Variants in PRIM2 observed in about 807,000 individuals in gnomAD.
PRIM2 encodes DNA primase large subunit.
PRIM2 carries 39 observed loss-of-function variants against 67.3 expected under a neutral mutation model. The observed-to-expected ratio is 0.58, with a 90% CI of 0.45 to 0.76. PRIM2 has a LOEUF of 0.76. PRIM2 is among the 30% of genes least tolerant of loss of function. The pLI, the probability that PRIM2 is intolerant of heterozygous loss-of-function variation, is 0.00. For synonymous variants in PRIM2, 143 were observed against 198.7 expected (o/e 0.72, Z 2.36); for missense variants, 398 against 598.7 (o/e 0.66, Z 3.50).
chr6:57,640,790 A>G (rs1191371853), intron 13 of PRIM2, among the ~76,000 whole-genome samples: 1 of 152,200 alleles, frequency 6.6e-6, no homozygotes, highest in Non-Finnish European at 1.5e-5. Flanking sequence ...TATCGTGAAA[A>G]TGGCCGTAAT....
intron 5 of PRIM2, among the ~76,000 whole-genome samples, chr6:57,353,352 G>A (rs1223177097): frequency 1.3e-5 from 2 of 152,122 alleles, no homozygotes; most frequent in Non-Finnish European, 2.9e-5. Flanking sequence ...GTTGTTCAGG[G>A]ATGTAATAGG....
the PRIM2 span, among the ~76,000 whole-genome samples, chr6:57,245,986 AGACT>A: frequency 6.6e-6 from 1 of 152,258 alleles, no homozygotes; most frequent in Non-Finnish European, 1.5e-5. Context: ...TTGTGCCAAC[AGACT>A]ATTATTTTTG....
At chr6:57,510,966 T>G (rs1273498379) in intron 8 of PRIM2, among the ~76,000 whole-genome samples, 1 of 152,084 alleles carries the variant, frequency 6.6e-6, no homozygotes, top group Non-Finnish European at 1.5e-5. Flanking sequence ...ATTAGGAGGT[T>G]GATACCGAGA....
chr6:57,256,790 G>A, the PRIM2 span, among the ~76,000 whole-genome samples: 19 of 151,618 alleles, frequency 1.3e-4, no homozygotes, highest in Admixed American at 6.6e-5. Flanking sequence ...CTGCTTATCA[G>A]ATGCTCTGCC....
intron 5 of PRIM2, among the ~76,000 whole-genome samples, chr6:57,354,431 ATTTC>A (rs1437471310): frequency 2.6e-5 from 4 of 152,264 alleles, no homozygotes; most frequent in Admixed American, 1.3e-4. Context: ...CTTAATTTGT[ATTTC>A]TTTATGTTTA....
chr6:57,353,988 A>C (rs1212649517), intron 5 of PRIM2, among the ~76,000 whole-genome samples: 4 of 152,170 alleles, frequency 2.6e-5, no homozygotes, highest in Non-Finnish European at 5.9e-5. Flanking sequence ...TATAGAGAAA[A>C]GTAATTAGTT....
the PRIM2 span, among the ~76,000 whole-genome samples, chr6:57,274,390 A>G: frequency 6.6e-6 from 1 of 152,220 alleles, no homozygotes; most frequent in Non-Finnish European, 1.5e-5. Context: ...CTGTGCTAGC[A>G]ATGAGCAAGA....
In PRIM2 at chr6:57,619,074, C is replaced by T. The variant is rs1424323245; in HGVS notation, c.1230+12617C>T. Among the ~76,000 whole-genome samples the T allele has an allele frequency of 2.6e-5, 4 of 152,280 alleles. No homozygotes were observed. The East Asian group carries it at 7.7e-4, about 29-fold the overall frequency. On this transcript the variant is annotated intron_variant, in intron 12 of 13. Coordinates refer to ENST00000615550, the MANE Select transcript of PRIM2 (RefSeq NM_000947.5). ...GGCGCTGGTATCCGTGGTTGAGAGACCCATAGACGGTTCACATCACAGGAC... is the reference window on the plus strand; with the variant it reads ...GGCGCTGGTATCCGTGGTTGAGAGATCCATAGACGGTTCACATCACAGGAC...
chr6:57,517,138 T>G (rs1774503862), intron 8 of PRIM2, among the ~76,000 whole-genome samples: 1 of 152,240 alleles, frequency 6.6e-6, no homozygotes, highest in South Asian at 2.1e-4. Flanking sequence ...TTATGATTTC[T>G]TATGCTTTTT....
intron 7 of PRIM2, among the ~76,000 whole-genome samples, chr6:57,477,602 C>T (rs1351181491): frequency 1.3e-5 from 2 of 152,076 alleles, no homozygotes; most frequent in Non-Finnish European, 2.9e-5. Flanking sequence ...TTTTCATATT[C>T]ACATATGTCT....
rs1290569394 is a variant in PRIM2 at position 57,589,287 on chromosome 6, C to A, written c.1021-11806C>A. ...TGATAGGATGCAATTCAGGCCTAGA[C>A]CAAGGTTTAAATGTTCTCTCTTCTA... is the stretch of plus-strand genomic sequence containing the variant. On this transcript the variant is annotated intron_variant, in intron 10 of 13. Coordinates refer to ENST00000615550, the MANE Select transcript of PRIM2 (RefSeq NM_000947.5). 1.1e-3 allele frequency among the ~76,000 whole-genome samples: 170 copies of A among 152,140 alleles called. 1 individual carries two copies. Among genetic ancestry groups the A allele is most frequent in the African/African-American group, 4.1e-3 (169 of 41,512 alleles).
At chr6:57,545,325 C>G (rs1386433340) in intron 10 of PRIM2, among the ~76,000 whole-genome samples, 2 of 151,954 alleles carry the variant, frequency 1.3e-5, no homozygotes, top group Non-Finnish European at 2.9e-5. Context: ...TGGCATAGTT[C>G]AGCCGATTTT....
chr6:57,424,215 C>T (rs1771551737), intron 7 of PRIM2, among the ~76,000 whole-genome samples: 1 of 152,032 alleles, frequency 6.6e-6, no homozygotes, highest in Non-Finnish European at 1.5e-5. Context: ...TGGAGCTTAA[C>T]TGAGAGATCA....
chr6:57,419,125 G>A (rs1217783099), intron 7 of PRIM2, among the ~76,000 whole-genome samples: 1 of 152,074 alleles, frequency 6.6e-6, no homozygotes, highest in Non-Finnish European at 1.5e-5. Context: ...TTGTTAGGAT[G>A]CTCTTGCAAT....
At chr6:57,311,720 G>A (rs941876725), upstream of PRIM2, among the ~76,000 whole-genome samples, 2 of 152,020 alleles carry the variant, frequency 1.3e-5, no homozygotes. Flanking sequence ...TCAAGCCACT[G>A]CACTCCAGCC....
intron 5 of PRIM2, among the ~76,000 whole-genome samples, chr6:57,350,905 T>C (rs994245008): frequency 1.3e-4 from 20 of 152,052 alleles, no homozygotes; most frequent in African/African-American, 4.6e-4. Context: ...TCCACATTAA[T>C]CTTGATTCTG....
chr6:57,437,105 G>A (rs1772035380), intron 7 of PRIM2, among the ~76,000 whole-genome samples: 2 of 152,194 alleles, frequency 1.3e-5, no homozygotes, highest in African/African-American at 2.4e-5. Flanking sequence ...GGCAAAACAG[G>A]AGTAGGTGTC....
At chr6:57,338,467 C>G (rs1050379172) in intron 5 of PRIM2, among the ~76,000 whole-genome samples, 7 of 150,888 alleles carry the variant, frequency 4.6e-5, no homozygotes, top group Admixed American at 3.3e-4. Flanking sequence ...CAATAAAATA[C>G]TGGCAAACCG....
At chr6:57,539,967 C>G (rs1775111832) in intron 10 of PRIM2, among the ~76,000 whole-genome samples, 1 of 150,630 alleles carries the variant, frequency 6.6e-6, no homozygotes, top group Non-Finnish European at 1.5e-5. Context: ...GCACTCCAGC[C>G]TGAGTGACAG....
Sources: gnomAD v4.1 joint callset for allele counts (sites outside exome capture counted in the v4.1 genomes callset) on GRCh38, gnomAD v4.1.1 for gene constraint, MANE v1.5 for transcripts, NCBI Gene and HGNC (gene_info 2026-07-23, HGNC 2026-07-21) for gene names.